The following WDR41 variants were observed in gnomAD, a reference collection of about 807,000 sequenced individuals.
WDR41 encodes the protein WD repeat domain 41, also known as WD repeat-containing protein 41.
WDR41 carries 63 observed loss-of-function variants against 69.3 expected under a neutral mutation model. The ratio of observed to expected loss-of-function variants is 0.91; its 90% confidence interval spans 0.74 to 1.12. The LOEUF is 1.12. Ranked by LOEUF, WDR41 falls within the 50% of genes most tolerant of loss-of-function variation. The probability of loss-of-function intolerance (pLI) is 0.00; values close to 1 mark genes in which losing one functional copy is unlikely to be tolerated. For synonymous variants in WDR41, 185 were observed against 192.1 expected, an observed-to-expected ratio of 0.96 and a Z score of 0.31; for missense variants, 543 against 534.5, an observed-to-expected ratio of 1.02 and a Z score of -0.16.
intron 1 of WDR41, among the ~76,000 whole-genome samples, chr5:77,612,336 A>G (rs1744576506): frequency 6.6e-6 from 1 of 152,132 alleles, no homozygotes; most frequent in African/African-American, 2.4e-5. Context: ...CAGAGACACA[A>G]CCAAAAAAGA....
intron 1 of WDR41, among the ~76,000 whole-genome samples, chr5:77,561,626 G>C (rs915775878): frequency 2.0e-5 from 3 of 152,016 alleles, no homozygotes; most frequent in African/African-American, 7.2e-5. Flanking sequence ...AATAAAGTCA[G>C]ACTAAGACCA....
At chr5:77,470,304 A>G (rs1448479758) in intron 2 of WDR41, among the ~76,000 whole-genome samples, 3 of 152,204 alleles carry the variant, frequency 2.0e-5, no homozygotes, top group East Asian at 1.9e-4. Flanking sequence ...GGAACAACCG[A>G]TACCAGCCAC....
rs939449828 is a variant in WDR41 at position 77,431,216 on chromosome 5, G to A, written c.*1919C>T. The A allele has an allele frequency of 6.6e-6, 1 of 152,158 alleles. No homozygotes were observed. The highest frequency in any genetic ancestry group is 2.4e-5 in the African/African-American group (1 of 41,424). The allele number at this position is 152,158 out of a possible 1,614,324, so 9.4% of individuals were successfully genotyped here. Reference sequence around the variant, plus strand: ...TCTCATTTGTGAAAGGAAGTCAATTGATTTGGAAAACTTCATCGCTATCTT... The same window carrying A: ...TCTCATTTGTGAAAGGAAGTCAATTAATTTGGAAAACTTCATCGCTATCTT... On this transcript the variant is annotated 3_prime_UTR_variant, in exon 13 of 13. Transcript: ENST00000296679.
In WDR41 at chr5:77,488,071, C is replaced by G. The variant is rs535255658; in HGVS notation, c.167+1386G>C. Among the ~76,000 whole-genome samples, 7 of 152,252 alleles carry G rather than the reference C, an allele frequency of 4.6e-5. No individual in the cohort carries two copies. In the South Asian group the frequency reaches 6.2e-4, roughly 14 times the overall value. ...ACTGTAATCCTGTGTATAGTGCTTT[C>G]CTCAGTTCTGTGAGTCCTTCTAGTG... On this transcript the variant is annotated intron_variant, in intron 2 of 12. Coordinates refer to ENST00000296679, the MANE Select transcript of WDR41 (RefSeq NM_018268.4).
chr5:77,447,872 T>C (rs539444706), intron 8 of WDR41, among the ~76,000 whole-genome samples: 1 of 152,256 alleles, frequency 6.6e-6, no homozygotes, highest in African/African-American at 2.4e-5. Flanking sequence ...ATGTATCCCA[T>C]TTTTTTAGAA....
chr5:77,435,114 A>AC (rs1332410963), intron 12 of WDR41, among the ~76,000 whole-genome samples: 1 of 152,074 alleles, frequency 6.6e-6, no homozygotes, highest in South Asian at 2.1e-4. Context: ...CCTTCTGCCT[A>AC]CCACAGTCCA....
chr5:77,565,100 T>C (rs1257011212), intron 1 of WDR41, among the ~76,000 whole-genome samples: 5 of 152,040 alleles, frequency 3.3e-5, no homozygotes, highest in Admixed American at 6.6e-5. Flanking sequence ...CACAATAACC[T>C]GAGGGAATTT....
chr5:77,465,114 ATGAAACCAAGC>A (rs982841681), intron 2 of WDR41, among the ~76,000 whole-genome samples: 2 of 152,180 alleles, frequency 1.3e-5, no homozygotes, highest in African/African-American at 4.8e-5. Context: ...CTTAAGTGAA[ATGAAACCAAGC>A]TGACAAGTGC....
At chr5:77,545,613 C>A in intron 1 of WDR41, 1 of 363,574 alleles carries the variant, frequency 2.8e-6, no homozygotes, top group Non-Finnish European at 5.0e-6. Context: ...CCCTGGAGAT[C>A]TATCTCTTCT....
At chr5:77,526,120 T>C (rs1802442675) in intron 1 of WDR41, among the ~76,000 whole-genome samples, 1 of 152,204 alleles carries the variant, frequency 6.6e-6, no homozygotes, top group African/African-American at 2.4e-5. Flanking sequence ...ATAGAGGAAA[T>C]AGTATAAGAC....
intron 2 of WDR41, among the ~76,000 whole-genome samples, chr5:77,470,225 T>C (rs1800512881): frequency 6.6e-6 from 1 of 151,990 alleles, no homozygotes; most frequent in Admixed American, 6.6e-5. Context: ...GACAAGCAAA[T>C]GCTGAGAGAT....
intron 4 of WDR41, among the ~76,000 whole-genome samples, chr5:77,460,882 G>C (rs932093747): frequency 6.6e-6 from 1 of 152,060 alleles, no homozygotes; most frequent in African/African-American, 2.4e-5. Flanking sequence ...TTCAGATTAG[G>C]GATGCTCAAC....
chr5:77,598,428 C>T (rs1744262497), intron 1 of WDR41, among the ~76,000 whole-genome samples: 1 of 152,144 alleles, frequency 6.6e-6, no homozygotes, highest in Non-Finnish European at 1.5e-5. Context: ...TCTCTCTTTT[C>T]CACTAGACTT....
At chr5:77,496,597 G>T (rs901822756), upstream of WDR41, among the ~76,000 whole-genome samples, 13 of 151,980 alleles carry the variant, frequency 8.6e-5, no homozygotes, top group African/African-American at 3.1e-4. Flanking sequence ...ACAAAACATT[G>T]CTGAAAGAAA....
chr5:77,433,783 A>G (rs1798824443), intron 12 of WDR41, among the ~76,000 whole-genome samples: 1 of 152,228 alleles, frequency 6.6e-6, no homozygotes, highest in Non-Finnish European at 1.5e-5. Context: ...GGTACCAATG[A>G]GAGATTATGT....
intron 6 of WDR41, chr5:77,452,778 A>C (rs1799676842): frequency 6.6e-6 from 1 of 152,202 alleles, no homozygotes; most frequent in African/African-American, 2.4e-5. Flanking sequence ...ATAGTACTTA[A>C]ACATAACTTG....
intron 9 of WDR41, among the ~76,000 whole-genome samples, 188 bp from the exon 10 acceptor site, chr5:77,438,549 T>C (rs974400076): frequency 2.6e-5 from 4 of 152,130 alleles, no homozygotes; most frequent in African/African-American, 9.7e-5. Flanking sequence ...TCTGAGCATT[T>C]AGAAGGTAGG....
chr5:77,550,850 T>G (rs1743282427), intron 1 of WDR41, among the ~76,000 whole-genome samples: 1 of 152,228 alleles, frequency 6.6e-6, no homozygotes, highest in Admixed American at 6.5e-5. Flanking sequence ...CCATCAATGT[T>G]GGCCTGCATA....
chr5:77,577,171 T>C (rs1250407599), intron 1 of WDR41, among the ~76,000 whole-genome samples: 5 of 152,156 alleles, frequency 3.3e-5, no homozygotes, highest in Admixed American at 3.3e-4. Flanking sequence ...GCTTGGGTCA[T>C]ATGTCACTTT....
Sources: allele counts gnomAD v4.1 joint callset (sites outside exome capture counted in the v4.1 genomes callset), GRCh38; gene constraint gnomAD v4.1.1; transcripts MANE v1.5; gene names NCBI Gene and HGNC (gene_info 2026-07-23, HGNC 2026-07-21).